Variants in TNR observed in about 807,000 individuals in gnomAD.
The protein encoded by TNR is tenascin-R.
Under a neutral mutation model 150.4 loss-of-function variants are expected in TNR, and 45 were observed. The ratio of observed to expected loss-of-function variants is 0.30; its 90% CI spans 0.24 to 0.38. The LOEUF (loss-of-function observed/expected upper bound fraction) is 0.38, where lower values mean the gene tolerates loss of function less well. Among genes scored for constraint, TNR ranks in the 10% least tolerant of loss-of-function variants. TNR has a pLI of 1.00. For missense variants in TNR, 1,544 were observed against 1,759.1 expected, an observed-to-expected ratio of 0.88 and a Z score of 2.19; for synonymous variants, 687 against 678.4, an observed-to-expected ratio of 1.01 and a Z score of -0.20.
intron 1 of TNR, among the ~76,000 whole-genome samples, chr1:175,574,930 ATTAGGGAT>A (rs1257704585): frequency 1.3e-4 from 20 of 152,254 alleles, no homozygotes; most frequent in African/African-American, 4.6e-4. Flanking sequence ...TGTGTCAGCC[ATTAGGGAT>A]TCAGTGGTGG....
At chr1:175,382,128 C>A (rs1652712246) in intron 8 of TNR, among the ~76,000 whole-genome samples, 1 of 152,162 alleles carries the variant, frequency 6.6e-6, no homozygotes, top group South Asian at 2.1e-4. Context: ...TACTCATAAT[C>A]AAAATAATTT....
Position 175,452,311 on chromosome 1 carries a change from C to T in TNR, c.-63-45534G>A, listed in dbSNP as rs188600771. On this transcript the variant is annotated intron_variant, in intron 2 of 22. Coordinates refer to ENST00000367674, the MANE Select transcript of TNR (RefSeq NM_003285.3). ...CAAAGCGCCCTGCTCGAAAGTCTAG[C>T]GGGGGAAATGACAATACACAAGAGT... 7.2e-4 allele frequency among the ~76,000 whole-genome samples: 110 copies of T among 152,312 alleles called. 1 individual carries two copies. Among genetic ancestry groups the T allele is most frequent in the African/African-American group, 2.5e-3 (102 of 41,570 alleles).
intron 1 of TNR, among the ~76,000 whole-genome samples, chr1:175,714,125 C>T (rs946989539): frequency 6.6e-6 from 1 of 151,828 alleles, no homozygotes; most frequent in Non-Finnish European, 1.5e-5. Context: ...CTCTTTAAAA[C>T]TCCTGCACCC....
At chr1:175,617,336 G>A (rs74433552) in intron 1 of TNR, among the ~76,000 whole-genome samples, 6,069 of 152,296 alleles carry the variant, frequency 0.04, 164 homozygotes, top group Middle Eastern at 0.065. Flanking sequence ...TTAGTCAGAC[G>A]TGAGTGTCTG....
At chr1:175,418,000 C>T (rs564303464) in intron 2 of TNR, among the ~76,000 whole-genome samples, 10 of 152,192 alleles carry the variant, frequency 6.6e-5, no homozygotes, top group Admixed American at 1.3e-4. Context: ...TAAATAGCAC[C>T]GCCCTGACCC....
intron 1 of TNR, among the ~76,000 whole-genome samples, chr1:175,604,784 G>T (rs1396042593): frequency 6.6e-6 from 1 of 152,144 alleles, no homozygotes; most frequent in African/African-American, 2.4e-5. Flanking sequence ...ACAGTCCCTG[G>T]GTCCCTAGCG....
intron 1 of TNR, among the ~76,000 whole-genome samples, chr1:175,615,971 A>G (rs1210191143): frequency 6.6e-6 from 1 of 152,240 alleles, no homozygotes; most frequent in Non-Finnish European, 1.5e-5. Context: ...ATGTAGGTAG[A>G]TATTAAATGT....
intron 2 of TNR, among the ~76,000 whole-genome samples, chr1:175,446,495 G>T (rs1656051732): frequency 6.6e-6 from 1 of 152,038 alleles, no homozygotes; most frequent in Non-Finnish European, 1.5e-5. Context: ...TTTTCTATCT[G>T]ATTTAAAAAC....
chr1:175,567,712 C>G (rs1390683232), intron 1 of TNR, among the ~76,000 whole-genome samples: 1 of 152,162 alleles, frequency 6.6e-6, no homozygotes, highest in African/African-American at 2.4e-5. Context: ...CCTCCCTGCT[C>G]TGGAACTCAT....
intron 2 of TNR, among the ~76,000 whole-genome samples, chr1:175,506,332 T>C (rs886411319): frequency 1.3e-5 from 2 of 152,240 alleles, no homozygotes; most frequent in Admixed American, 1.3e-4. Flanking sequence ...AGAGCACTTT[T>C]GTGGGTTATA....
chr1:175,638,998 T>C (rs113714623), intron 1 of TNR, among the ~76,000 whole-genome samples: 1 of 152,338 alleles, frequency 6.6e-6, no homozygotes, highest in African/African-American at 2.4e-5. Flanking sequence ...ATCCAATCTA[T>C]GGGCAAAGTC....
At chr1:175,613,728 T>A (rs1385210286) in intron 1 of TNR, among the ~76,000 whole-genome samples, 2 of 152,112 alleles carry the variant, frequency 1.3e-5, no homozygotes, top group Non-Finnish European at 2.9e-5. Context: ...TACTGCCCTC[T>A]CCCTTCTTCA....
intron 1 of TNR, among the ~76,000 whole-genome samples, chr1:175,528,857 C>T (rs2102177150): frequency 6.6e-6 from 1 of 152,310 alleles, no homozygotes; most frequent in East Asian, 1.9e-4. Flanking sequence ...GCCATGCTCA[C>T]TCTGGACTCC....
chr1:175,628,844 A>T lies in TNR; in HGVS notation c.-164-100475T>A, dbSNP rs375463726. ...CCAATTCATTCCACTTGTCTATCAG[A>T]TCCCTCTGGGCCTGCAGTGGGGCTT... On this transcript the variant is annotated intron_variant, in intron 1 of 22. Coordinates refer to ENST00000367674, the MANE Select transcript of TNR (RefSeq NM_003285.3). 1.4e-4 allele frequency among the ~76,000 whole-genome samples: 21 copies of T among 152,162 alleles called. 2 individuals are homozygous for T. The highest frequency in any genetic ancestry group is 6.5e-4 in the Admixed American group (10 of 15,276).
intron 12 of TNR, 96 bp downstream of exon 12, chr1:175,364,914 A>G: frequency 6.9e-7 from 1 of 1,439,184 alleles, no homozygotes; most frequent in Non-Finnish European, 9.3e-7. Flanking sequence ...GAAATCCCCT[A>G]CTCCTTGGGT....
intron 2 of TNR, among the ~76,000 whole-genome samples, chr1:175,458,731 C>A (rs1306261902): frequency 6.6e-6 from 1 of 152,220 alleles, no homozygotes; most frequent in Non-Finnish European, 1.5e-5. Flanking sequence ...AACAGTTTTA[C>A]AGAGGTCTGA....
chr1:175,610,989 T>C (rs1663577793), intron 1 of TNR, among the ~76,000 whole-genome samples: 1 of 152,226 alleles, frequency 6.6e-6, no homozygotes, highest in South Asian at 2.1e-4. Context: ...GTGTGCCCTG[T>C]TGGCAGGGAA....
intron 2 of TNR, among the ~76,000 whole-genome samples, chr1:175,408,098 C>T (rs1396893403): frequency 6.6e-6 from 1 of 152,166 alleles, no homozygotes; most frequent in Admixed American, 6.5e-5. Flanking sequence ...TCTTCCAGGC[C>T]CCACTTCTGA....
rs1553203472 is a variant in TNR at position 175,331,078 on chromosome 1, C to CTTCTCTTTCTTTCTTTCT, written c.3632-844_3632-843insAGAAAGAAAGAAAGAGAA. On this transcript the variant is annotated intron_variant, in intron 20 of 22. Transcript: ENST00000367674. Reference sequence around the variant, plus strand: ...CTTTCTTTCTTTCTTTCTTTCTTTCCTTCTTTCTTTCTTTCTTTCTTTCTC... The same window carrying CTTCTCTTTCTTTCTTTCT: ...CTTTCTTTCTTTCTTTCTTTCTTTCCTTCTCTTTCTTTCTTTCTTTCTTTCTTTCTTTCTTTCTTTCTC... Among the ~76,000 whole-genome samples the CTTCTCTTTCTTTCTTTCT allele has an allele frequency of 2.3e-3, 135 of 59,974 alleles. 9 individuals are homozygous for CTTCTCTTTCTTTCTTTCT. The highest frequency in any genetic ancestry group is 5.1e-3 in the Admixed American group (30 of 5,830). 39.3% of individuals were successfully genotyped at this position (59,974 alleles called of 152,430 possible).
Sources: gnomAD v4.1 joint callset for allele counts (sites outside exome capture counted in the v4.1 genomes callset) on GRCh38, gnomAD v4.1.1 for gene constraint, MANE v1.5 for transcripts, NCBI Gene and HGNC (gene_info 2026-07-23, HGNC 2026-07-21) for gene names.